Variants in IQCM observed in about 807,000 individuals in gnomAD.
The protein encoded by IQCM is IQ motif containing M, also known as IQ domain-containing protein M.
A neutral mutation model predicts 57.6 loss-of-function variants in IQCM; 45 were observed. That is an observed-to-expected ratio of 0.78 (90% CI 0.62 to 1.00). IQCM has a LOEUF of 1.00. Among genes scored for constraint, IQCM ranks in the 50% least tolerant of loss-of-function variants. The probability of loss-of-function intolerance (pLI) is 0.00; values close to 1 mark genes in which losing one functional copy is unlikely to be tolerated. For missense variants in IQCM, 468 were observed against 511.6 expected, an observed-to-expected ratio of 0.91 and a Z score of 0.82; for synonymous variants, 148 against 158.9, an observed-to-expected ratio of 0.93 and a Z score of 0.51.
intron 7 of IQCM, among the ~76,000 whole-genome samples, chr4:149,675,999 C>T (rs919237976): frequency 1.3e-5 from 2 of 151,978 alleles, no homozygotes; most frequent in Non-Finnish European, 1.5e-5. Context: ...GCATTATTAG[C>T]TTTTTTTCTT....
chr4:149,555,976 C>A (rs6535690), intron 10 of IQCM, among the ~76,000 whole-genome samples: 117,975 of 152,098 alleles, frequency 0.78, 46,432 homozygotes, highest in South Asian at 0.9. Context: ...GAGAAAATGA[C>A]AATGGTCCAT....
intron 2 of IQCM, among the ~76,000 whole-genome samples, chr4:149,805,232 A>G (rs1255955018): frequency 1.3e-5 from 2 of 152,080 alleles, no homozygotes; most frequent in Admixed American, 1.3e-4. Context: ...TTTATTCTAT[A>G]CTGTATATCT....
chr4:149,419,491 T>A (rs1733977625), intron 13 of IQCM, among the ~76,000 whole-genome samples: 2 of 152,058 alleles, frequency 1.3e-5, no homozygotes, highest in Admixed American at 1.3e-4. Flanking sequence ...AAAAATTAAC[T>A]CAAGATTGAT....
At chr4:149,811,497 A>G (rs961394421) in intron 2 of IQCM, among the ~76,000 whole-genome samples, 9 of 152,194 alleles carry the variant, frequency 5.9e-5, no homozygotes, top group Non-Finnish European at 1.3e-4. Flanking sequence ...ACAGTACCCA[A>G]CAATATTAAC....
At chr4:149,709,971 C>T (rs1449434653) in intron 5 of IQCM, among the ~76,000 whole-genome samples, 1 of 152,084 alleles carries the variant, frequency 6.6e-6, no homozygotes, top group Non-Finnish European at 1.5e-5. Flanking sequence ...AAAGGGAGTG[C>T]AACCTCTTAT....
intron 12 of IQCM, among the ~76,000 whole-genome samples, chr4:149,453,571 C>A (rs1411150040): frequency 6.6e-6 from 1 of 151,726 alleles, no homozygotes; most frequent in African/African-American, 2.4e-5. Context: ...TTGAATGACA[C>A]TTTCTCCAAA....
intron 7 of IQCM, among the ~76,000 whole-genome samples, chr4:149,670,583 TG>T (rs1248209242): frequency 6.6e-6 from 1 of 152,202 alleles, no homozygotes; most frequent in Non-Finnish European, 1.5e-5. Flanking sequence ...TTCCAGTTTT[TG>T]CTCATTCAGT....
At chr4:149,567,757 A>G (rs1750768826) in intron 9 of IQCM, among the ~76,000 whole-genome samples, 1 of 152,192 alleles carries the variant, frequency 6.6e-6, no homozygotes, top group African/African-American at 2.4e-5. Context: ...TTTCTTCTTC[A>G]CTATATAAAA....
At chr4:149,445,978 A>G (rs1054470455) in intron 12 of IQCM, among the ~76,000 whole-genome samples, 3 of 151,790 alleles carry the variant, frequency 2.0e-5, no homozygotes, top group Non-Finnish European at 2.9e-5. Flanking sequence ...ACTAAAGAAT[A>G]ACGTCTACTT....
intron 12 of IQCM, among the ~76,000 whole-genome samples, chr4:149,543,295 TA>T: frequency 6.6e-6 from 1 of 152,212 alleles, no homozygotes; most frequent in African/African-American, 2.4e-5. Context: ...TAAGTATTGT[TA>T]AAAACAATAT....
chr4:149,591,671 C>G (rs1034122187), intron 8 of IQCM, among the ~76,000 whole-genome samples: 1 of 152,046 alleles, frequency 6.6e-6, no homozygotes, highest in Non-Finnish European at 1.5e-5. Context: ...TCTCATTGTT[C>G]AATTCCCACC....
At chr4:149,386,132 A>C (rs1731406654) in intron 13 of IQCM, among the ~76,000 whole-genome samples, 1 of 152,216 alleles carries the variant, frequency 6.6e-6, no homozygotes, top group African/African-American at 2.4e-5. Context: ...GTACAAAATA[A>C]GATAAGAAAT....
At chr4:149,590,247 C>CTTTTTTTTTTTTTTTTTTTTTTTTCTT (rs71596214) in intron 8 of IQCM, among the ~76,000 whole-genome samples, 1 of 73,630 alleles carries the variant, frequency 1.4e-5, no homozygotes, top group Non-Finnish European at 2.6e-5. Flanking sequence ...TTTTTCTTTC[C>CTTTTTTTTTTTTTTTTTTTTTTTTCTT]TTTTTTTTTT....
At chr4:149,596,769 C>T (rs1413299169) in intron 8 of IQCM, among the ~76,000 whole-genome samples, 2 of 152,000 alleles carry the variant, frequency 1.3e-5, no homozygotes, top group Admixed American at 1.3e-4. Context: ...AATCTGGGCC[C>T]CCACCAAAAA....
chr4:149,769,461 G>A (rs928691231), intron 2 of IQCM, among the ~76,000 whole-genome samples: 4 of 151,362 alleles, frequency 2.6e-5, no homozygotes, highest in African/African-American at 7.3e-5. Flanking sequence ...ATAGGGGAGC[G>A]AAGATACAGT....
chr4:149,385,607 T>C (rs942023309), intron 13 of IQCM, among the ~76,000 whole-genome samples: 1 of 152,104 alleles, frequency 6.6e-6, no homozygotes, highest in Admixed American at 6.6e-5. Context: ...TCTATCATGC[T>C]TGACATGCTC....
intron 13 of IQCM, among the ~76,000 whole-genome samples, chr4:149,380,219 CGTGT>C (rs375972746): frequency 4.7e-5 from 7 of 148,336 alleles, no homozygotes; most frequent in Non-Finnish European, 7.5e-5. Context: ...TGAATGTGCT[CGTGT>C]GTGTGTGTGT....
intron 2 of IQCM, among the ~76,000 whole-genome samples, chr4:149,769,555 TAA>T (rs111979315): frequency 8.5e-5 from 11 of 129,230 alleles, no homozygotes; most frequent in Admixed American, 2.3e-4. Context: ...GCTCTATAGC[TAA>T]AAAAAAAAAA....
chr4:149,456,041 G>A (rs1737667258), intron 12 of IQCM, among the ~76,000 whole-genome samples: 1 of 151,742 alleles, frequency 6.6e-6, no homozygotes, highest in Admixed American at 6.6e-5. Context: ...TAGGTTCATG[G>A]CTGAGATCCC....
Sources: allele counts gnomAD v4.1 joint callset (sites outside exome capture counted in the v4.1 genomes callset), GRCh38; gene constraint gnomAD v4.1.1; transcripts MANE v1.5; gene names NCBI Gene and HGNC (gene_info 2026-07-23, HGNC 2026-07-21).